Variants in SCN3A observed in about 807,000 individuals in gnomAD.
SCN3A encodes the protein sodium voltage-gated channel alpha subunit 3.
In SCN3A, 60 loss-of-function variants were observed where a neutral mutation model predicts 187.6. That is an observed-to-expected ratio of 0.32 (90% CI 0.26 to 0.40). The LOEUF is 0.40. Among genes scored for constraint, SCN3A ranks in the 10% least tolerant of loss-of-function variants. The pLI is 1.00. For missense variants in SCN3A, 1,601 were observed against 2,428.2 expected, an observed-to-expected ratio of 0.66 and a Z score of 7.16; for synonymous variants, 788 against 829.2, an observed-to-expected ratio of 0.95 and a Z score of 0.85.
chr2:165,095,381 A>G, intron 25 of SCN3A, 130 bp downstream of exon 25: 1 of 951,238 alleles, frequency 1.1e-6, no homozygotes. Context: ...AGCTTAAATA[A>G]CCACATGGGC....
At chr2:165,172,109 T>C (rs139470989) in intron 3 of SCN3A, among the ~76,000 whole-genome samples, 7 of 152,298 alleles carry the variant, frequency 4.6e-5, no homozygotes, top group African/African-American at 1.7e-4. Context: ...AAACAATTTC[T>C]CTGTTCATTG....
intron 18 of SCN3A, among the ~76,000 whole-genome samples, chr2:165,125,791 G>C (rs954767791): frequency 1.3e-5 from 2 of 152,076 alleles, no homozygotes; most frequent in African/African-American, 4.8e-5. Context: ...TAATTGACTG[G>C]TATTTCTTCT....
intron 18 of SCN3A, among the ~76,000 whole-genome samples, chr2:165,120,306 T>A (rs1686589984): frequency 6.6e-6 from 1 of 151,726 alleles, no homozygotes; most frequent in African/African-American, 2.4e-5. Context: ...ACAATAGAGT[T>A]AACACCCAAA....
At chr2:165,119,407 A>G (rs547732955) in intron 18 of SCN3A, among the ~76,000 whole-genome samples, 1 of 152,330 alleles carries the variant, frequency 6.6e-6, no homozygotes, top group African/African-American at 2.4e-5. Context: ...CTTACGAATT[A>G]TGATCTACTA....
At chr2:165,104,960 G>A (rs1685775152) in intron 21 of SCN3A, among the ~76,000 whole-genome samples, 2 of 152,170 alleles carry the variant, frequency 1.3e-5, no homozygotes, top group Admixed American at 1.3e-4. Flanking sequence ...ATTCTGGACT[G>A]TGGAAAGCAC....
At chr2:165,141,167 TA>T (rs1006575994) in intron 12 of SCN3A, among the ~76,000 whole-genome samples, 169 bp from the exon 13 acceptor site, 9 of 152,198 alleles carry the variant, frequency 5.9e-5, no homozygotes, top group Non-Finnish European at 1.2e-4. Flanking sequence ...ATATTTTTAT[TA>T]AAGCAAATTT....
intron 1 of SCN3A, among the ~76,000 whole-genome samples, chr2:165,191,733 A>C (rs1338174184): frequency 6.6e-6 from 1 of 152,142 alleles, no homozygotes; most frequent in African/African-American, 2.4e-5. Flanking sequence ...ACTTACTTAT[A>C]ATGTTTATTA....
intron 21 of SCN3A, among the ~76,000 whole-genome samples, chr2:165,112,483 T>C (rs1231780881): frequency 6.6e-6 from 1 of 152,230 alleles, no homozygotes; most frequent in Non-Finnish European, 1.5e-5. Flanking sequence ...AAGTGCAGTT[T>C]ACACACTTTC....
At chr2:165,125,947 G>A (rs2105754775) in intron 18 of SCN3A, among the ~76,000 whole-genome samples, 1 of 152,154 alleles carries the variant, frequency 6.6e-6, no homozygotes, top group South Asian at 2.1e-4. Context: ...AATTTTGTAT[G>A]TATTTTACCT....
At chr2:165,156,924 G>A (rs1016100440) in intron 9 of SCN3A, among the ~76,000 whole-genome samples, 3 of 149,582 alleles carry the variant, frequency 2.0e-5, no homozygotes, top group African/African-American at 7.4e-5. Context: ...TTTTTGTTTT[G>A]TTTTGAGATG....
intron 17 of SCN3A, 106 bp from the exon 18 acceptor site, chr2:165,128,207 G>A: frequency 1.1e-6 from 1 of 889,180 alleles, no homozygotes; most frequent in Admixed American, 2.7e-5. Context: ...TTCAACAAAT[G>A]TTTATTGAAT....
In SCN3A at chr2:165,170,541, A is replaced by C; in HGVS notation, c.272T>G (p.Ile91Arg). ...AATTGCCTTTCCTTTATTCATTACT[A>C]TAAAAGTCTGAAAAAGAAAATACGA... ...DPYYINKKTFIVMNKGKAIFR... is the reference protein window; with the variant it reads ...DPYYINKKTFRVMNKGKAIFR... Residue 91 changes from isoleucine to arginine, a missense_variant, in exon 4 of 28, where the codon ATA becomes AGA. Transcript: ENST00000283254. The C allele has an allele frequency of 6.3e-7, 1 of 1,592,562 alleles. No individual in the cohort carries two copies. Among genetic ancestry groups the C allele is most frequent in the Non-Finnish European group, 8.6e-7 (1 of 1,161,232 alleles).
At chr2:165,189,968 A>G (rs1488457875) in intron 1 of SCN3A, among the ~76,000 whole-genome samples, 1 of 152,180 alleles carries the variant, frequency 6.6e-6, no homozygotes, top group Non-Finnish European at 1.5e-5. Flanking sequence ...GCTGTTCAGC[A>G]TTTTGCACAA....
chr2:165,134,474 T>C (rs915130149), intron 15 of SCN3A, among the ~76,000 whole-genome samples: 2 of 152,066 alleles, frequency 1.3e-5, no homozygotes, highest in Admixed American at 6.6e-5. Context: ...CTTACGAATA[T>C]ATAAATGCAG....
At chr2:165,171,113 A>G (rs867985896) in intron 3 of SCN3A, among the ~76,000 whole-genome samples, 12 of 152,018 alleles carry the variant, frequency 7.9e-5, no homozygotes, top group Admixed American at 3.3e-4. Flanking sequence ...GAAATACACC[A>G]TTTCAAAGGG....
intron 4 of SCN3A, among the ~76,000 whole-genome samples, chr2:165,170,039 C>T (rs577742327): frequency 2.0e-4 from 30 of 151,750 alleles, no homozygotes; most frequent in Non-Finnish European, 3.0e-4. Context: ...TAAATCCAGG[C>T]GCTGAAGATA....
intron 25 of SCN3A, among the ~76,000 whole-genome samples, chr2:165,094,941 C>CA (rs1393832273): frequency 2.0e-5 from 3 of 151,914 alleles, no homozygotes; most frequent in Non-Finnish European, 4.4e-5. Context: ...GTTGATATGA[C>CA]AAAAAAATTA....
intron 13 of SCN3A, among the ~76,000 whole-genome samples, chr2:165,139,975 A>T (rs1484574649): frequency 6.6e-6 from 1 of 152,148 alleles, no homozygotes; most frequent in African/African-American, 2.4e-5. Flanking sequence ...TAATAATCAG[A>T]TCAATCTCCC....
In SCN3A at chr2:165,140,795, A is replaced by C. The variant is rs1687964534; in HGVS notation, c.1875T>G (p.Val625=). Residue 625 remains valine, a synonymous_variant, in exon 13 of 28, where the codon GTT becomes GTG. Coordinates refer to ENST00000283254, the MANE Select transcript of SCN3A (RefSeq NM_006922.4). The surrounding 1 kb of genome is among the most constrained non-coding windows in gnomAD (Gnocchi z 4.2). ...TCCTGGATGACATACTGGCCTGACT[A>C]ACGTTACTGTTGCGTCGCTCTCCAT... ...HRHGERRNSN[V]SQASMSSRMV... is the part of the protein sequence containing the mutation. 2 of 1,614,088 alleles carry C rather than the reference A, an allele frequency of 1.2e-6. No individual in the cohort carries two copies. Among genetic ancestry groups the C allele is most frequent in the Non-Finnish European group, 1.7e-6 (2 of 1,180,008 alleles).
Sources: allele counts gnomAD v4.1 joint callset (sites outside exome capture counted in the v4.1 genomes callset), GRCh38; gene constraint gnomAD v4.1.1; non-coding constraint Gnocchi (gnomAD v3.1); transcripts MANE v1.5; gene names NCBI Gene and HGNC (gene_info 2026-07-23, HGNC 2026-07-21).